Variants in LARGE1 observed in about 807,000 individuals in gnomAD.
The protein encoded by LARGE1 is LARGE xylosyl- and glucuronyltransferase 1, also known as xylosyl- and glucuronyltransferase LARGE1.
LARGE1 carries 43 observed loss-of-function variants against 87.6 expected under a neutral mutation model. The observed-to-expected ratio is 0.49, with a 90% confidence interval of 0.38 to 0.63. The LOEUF (loss-of-function observed/expected upper bound fraction) is 0.63, where lower values mean the gene tolerates loss of function less well. Among genes scored for constraint, LARGE1 ranks in the 30% least tolerant of loss-of-function variants. LARGE1 has a pLI of 0.00. For synonymous variants in LARGE1, 434 were observed against 394.6 expected, an observed-to-expected ratio of 1.10 and a Z score of -1.18; for missense variants, 802 against 1,000.2, an observed-to-expected ratio of 0.80 and a Z score of 2.67.
the LARGE1 span, chr22:33,137,240 A>C: frequency 6.6e-6 from 1 of 152,334 alleles, no homozygotes; most frequent in Non-Finnish European, 1.5e-5. Flanking sequence ...AGAGGGATTT[A>C]AAGGAGGCCA....
At chr22:33,821,384 C>T (rs927426391) in intron 1 of LARGE1, among the ~76,000 whole-genome samples, 14 of 152,174 alleles carry the variant, frequency 9.2e-5, no homozygotes, top group African/African-American at 3.4e-4. Flanking sequence ...CAAGCAAACA[C>T]TAGTTTACCT....
At chr22:33,796,766 GC>G (rs1410970638) in intron 1 of LARGE1, among the ~76,000 whole-genome samples, 3 of 140,512 alleles carry the variant, frequency 2.1e-5, no homozygotes, top group Non-Finnish European at 3.0e-5. Context: ...TAAGACTTGG[GC>G]TTTTTTTTTT....
At chr22:33,597,302 G>GTAT (rs2079004964) in intron 5 of LARGE1, among the ~76,000 whole-genome samples, 1 of 146,432 alleles carries the variant, frequency 6.8e-6, no homozygotes, top group African/African-American at 2.5e-5. Context: ...AAAAAAACTT[G>GTAT]TAAGTATTAA....
intron 2 of LARGE1, among the ~76,000 whole-genome samples, chr22:33,749,272 G>A (rs966980832): frequency 4.6e-5 from 7 of 152,104 alleles, no homozygotes; most frequent in African/African-American, 7.2e-5. Flanking sequence ...GTGCCACCAC[G>A]CCTGGATAAT....
intron 11 of LARGE1, among the ~76,000 whole-genome samples, chr22:33,237,063 C>T (rs1926288390): frequency 6.6e-6 from 1 of 152,200 alleles, no homozygotes; most frequent in African/African-American, 2.4e-5. Flanking sequence ...TTTAGTCCAA[C>T]TCTTACCAAA....
At chr22:33,758,262 A>G (rs1229396689) in intron 2 of LARGE1, among the ~76,000 whole-genome samples, 1 of 152,168 alleles carries the variant, frequency 6.6e-6, no homozygotes, top group Non-Finnish European at 1.5e-5. Flanking sequence ...AACATCCTCA[A>G]TTCTTCCCAC....
chr22:33,183,636 A>ACGCACGCACG (rs71187246), intron 11 of LARGE1, among the ~76,000 whole-genome samples: 4 of 150,146 alleles, frequency 2.7e-5, no homozygotes, highest in African/African-American at 4.9e-5. Flanking sequence ...ACACACACAC[A>ACGCACGCACG]CACACACACA....
intron 1 of LARGE1, among the ~76,000 whole-genome samples, chr22:33,789,917 T>C (rs573953617): frequency 6.6e-6 from 1 of 152,308 alleles, no homozygotes; most frequent in South Asian, 2.1e-4. Context: ...GACTGTGGAC[T>C]TTTGAGTTAA....
At chr22:33,701,286 T>C (rs1337759635) in intron 2 of LARGE1, among the ~76,000 whole-genome samples, 2 of 152,110 alleles carry the variant, frequency 1.3e-5, no homozygotes, top group Non-Finnish European at 2.9e-5. Context: ...AAAATGGGAA[T>C]TGGAGGCCAA....
At chr22:33,724,117 G>A (rs1187696529) in intron 2 of LARGE1, 2 of 153,320 alleles carry the variant, frequency 1.3e-5, no homozygotes, top group Non-Finnish European at 2.9e-5. Context: ...CAGTGAGAGT[G>A]ACAGAGGCCA....
At chr22:33,486,893 T>A (rs953591273) in intron 6 of LARGE1, among the ~76,000 whole-genome samples, 1 of 152,210 alleles carries the variant, frequency 6.6e-6, no homozygotes, top group African/African-American at 2.4e-5. Context: ...CTGCAACACA[T>A]TTAGAAGAAT....
Position 33,274,371 on chromosome 22 carries a change from C to A in LARGE1, c.*56G>T. On this transcript the variant is annotated 3_prime_UTR_variant, in exon 15 of 15. Coordinates refer to ENST00000397394, the MANE Select transcript of LARGE1 (RefSeq NM_133642.5). ...TTGAATTTGAAGGCCGGGCCCCAAACAGCGAGTGGCACTTCCCCTACAGCA... is the reference window on the plus strand; with the variant it reads ...TTGAATTTGAAGGCCGGGCCCCAAAAAGCGAGTGGCACTTCCCCTACAGCA... The A allele has an allele frequency of 6.4e-7, 1 of 1,565,262 alleles. No homozygotes were observed.
chr22:33,722,814 A>T (rs184339618), intron 2 of LARGE1, among the ~76,000 whole-genome samples: 1 of 152,302 alleles, frequency 6.6e-6, no homozygotes, highest in Admixed American at 6.5e-5. Context: ...CAACACAGAG[A>T]CAGAAAAGGA....
intron 6 of LARGE1, among the ~76,000 whole-genome samples, chr22:33,451,740 G>C (rs2067937333): frequency 6.6e-6 from 1 of 151,950 alleles, no homozygotes; most frequent in Non-Finnish European, 1.5e-5. Flanking sequence ...TGAATTTTTA[G>C]TAGAGACGGG....
intron 1 of LARGE1, among the ~76,000 whole-genome samples, chr22:33,789,141 G>A (rs1418078751): frequency 6.6e-6 from 1 of 152,190 alleles, no homozygotes; most frequent in African/African-American, 2.4e-5. Context: ...CAGGCCCAGG[G>A]CCTTGCTGCT....
At chr22:33,217,741 G>A (rs918056336) in intron 11 of LARGE1, among the ~76,000 whole-genome samples, 1 of 151,896 alleles carries the variant, frequency 6.6e-6, no homozygotes, top group Middle Eastern at 3.2e-3. Context: ...ATAATTTACT[G>A]TATTATTCCT....
At chr22:33,611,226 T>C (rs1193252830) in intron 4 of LARGE1, among the ~76,000 whole-genome samples, 1 of 131,942 alleles carries the variant, frequency 7.6e-6, no homozygotes. Flanking sequence ...TCTAGAATGG[T>C]AGATCCACTG....
chr22:33,614,442 C>T (rs115654633), intron 4 of LARGE1, among the ~76,000 whole-genome samples: 4 of 152,092 alleles, frequency 2.6e-5, no homozygotes, highest in African/African-American at 9.7e-5. Context: ...TCACACAGCC[C>T]CTTGCTCACT....
At chr22:33,382,279 G>T (rs1184390372) in intron 8 of LARGE1, among the ~76,000 whole-genome samples, 2 of 152,176 alleles carry the variant, frequency 1.3e-5, no homozygotes, top group Non-Finnish European at 1.5e-5. Context: ...CCAGAGTCCT[G>T]CTGGTCTCAT....
Sources: gnomAD v4.1 joint callset for allele counts (sites outside exome capture counted in the v4.1 genomes callset) on GRCh38, gnomAD v4.1.1 for gene constraint, MANE v1.5 for transcripts, NCBI Gene and HGNC (gene_info 2026-07-23, HGNC 2026-07-21) for gene names.